The following FYTTD1 variants were observed in gnomAD, a reference collection of about 807,000 sequenced individuals.
FYTTD1 encodes the protein UAP56-interacting factor.
FYTTD1 carries 22 observed loss-of-function variants against 40.9 expected under a neutral mutation model. The ratio of observed to expected loss-of-function variants is 0.54; its 90% CI spans 0.38 to 0.77. The LOEUF is 0.77. Ranked by LOEUF, FYTTD1 falls within the 30% of genes least tolerant of loss-of-function variation. The pLI is 0.00. For missense variants in FYTTD1, 351 were observed against 392.2 expected (o/e 0.90, Z 0.89); for synonymous variants, 140 against 137.9 (o/e 1.01, Z -0.10).
rs955256634 is a variant in FYTTD1 at position 197,750,519 on chromosome 3, G to C, written c.103+445G>C. On this transcript the variant is annotated intron_variant, in intron 1 of 8. Coordinates refer to ENST00000241502, the MANE Select transcript of FYTTD1 (RefSeq NM_032288.7). ...GCCGTTCTCTCTGAAGAAAGGTCTT[G>C]GAGAGCCCGGCCGGGGCTGCGGTCG... 4.8e-5 allele frequency: 47 copies of C among 986,058 alleles called. No individual in the cohort carries two copies. The African/African-American group carries it at 8.0e-4, about 17-fold the overall frequency. The allele number at this position is 986,058 out of a possible 1,614,324, so 61.1% of individuals were successfully genotyped here.
At chr3:197,773,081 G>A (rs1729764597) in intron 4 of FYTTD1, among the ~76,000 whole-genome samples, 1 of 152,132 alleles carries the variant, frequency 6.6e-6, no homozygotes, top group Non-Finnish European at 1.5e-5. Context: ...AAATTGTAAA[G>A]TTATGTTTTC....
chr3:197,753,839 A>C lies in FYTTD1; in HGVS notation c.104-2587A>C, dbSNP rs1004620120. 1.4e-4 allele frequency among the ~76,000 whole-genome samples: 22 copies of C among 151,934 alleles called. No individual in the cohort carries two copies. In the East Asian group the frequency reaches 3.9e-3, roughly 27 times the overall value. On this transcript the variant is annotated intron_variant, in intron 1 of 8. Coordinates refer to ENST00000241502, the MANE Select transcript of FYTTD1 (RefSeq NM_032288.7). ...GGCACGATCTCGGCTTCCCAGGTTC[A>C]CAACATTCTCCTGCCTCAGCCTCCC...
intron 8 of FYTTD1, among the ~76,000 whole-genome samples, chr3:197,779,597 C>T (rs1195692115): frequency 1.6e-5 from 2 of 125,990 alleles, no homozygotes; most frequent in Admixed American, 2.0e-4. Flanking sequence ...GTGGCATAAT[C>T]ATAGCTCACT....
At chr3:197,779,168 A>C (rs1319767728) in intron 8 of FYTTD1, among the ~76,000 whole-genome samples, 3 of 152,144 alleles carry the variant, frequency 2.0e-5, no homozygotes, top group African/African-American at 7.2e-5. Flanking sequence ...TAATCCCAGC[A>C]CTTTGGGAGG....
chr3:197,765,900 G>A (rs1334274827), intron 2 of FYTTD1, among the ~76,000 whole-genome samples: 4 of 152,104 alleles, frequency 2.6e-5, no homozygotes, highest in African/African-American at 9.7e-5. Flanking sequence ...GGAGACTGAG[G>A]CAGGAGAATG....
At chr3:197,779,503 G>A (rs1580470797) in intron 8 of FYTTD1, among the ~76,000 whole-genome samples, 1 of 134,138 alleles carries the variant, frequency 7.5e-6, no homozygotes, top group Admixed American at 7.5e-5. Flanking sequence ...ACTTACTTTT[G>A]TATTGACTTT....
intron 1 of FYTTD1, among the ~76,000 whole-genome samples, chr3:197,755,017 G>A (rs1729169870): frequency 6.6e-6 from 1 of 152,118 alleles, no homozygotes; most frequent in Non-Finnish European, 1.5e-5. Context: ...ATATAAATGG[G>A]AATCTGGAGT....
chr3:197,765,232 C>T (rs1371507371), intron 2 of FYTTD1, among the ~76,000 whole-genome samples: 1 of 152,108 alleles, frequency 6.6e-6, no homozygotes, highest in African/African-American at 2.4e-5. Flanking sequence ...CTCATCTAGT[C>T]CTGAAATTTT....
In FYTTD1 at chr3:197,756,433, C is replaced by A. The variant is rs372634918; in HGVS notation, c.111C>A (p.Ile37=). 10 of 1,601,626 alleles carry A rather than the reference C, an allele frequency of 6.2e-6. No individual in the cohort carries two copies. Among genetic ancestry groups the A allele is most frequent in the Non-Finnish European group, 8.6e-6 (10 of 1,168,720 alleles). The change falls in exon 2 of 9, where the codon ATC becomes ATA. Residue 37 remains isoleucine (I), a synonymous_variant. Transcript: ENST00000241502. ...LDKIDMSLDD[I]IKLNRKEGKK... ...ACATTTCCTCTATCATAGATGATAT[C>A]ATCAAGTTGAATCGAAAGGAAGGGA...
chr3:197,777,154 T>C (rs1233837714), intron 7 of FYTTD1, among the ~76,000 whole-genome samples, 153 bp downstream of exon 7: 8 of 152,202 alleles, frequency 5.3e-5, no homozygotes, highest in Admixed American at 5.2e-4. Context: ...CAGTATATGG[T>C]GTAAAGTAAA....
chr3:197,752,429 A>G (rs1251362737), intron 1 of FYTTD1, among the ~76,000 whole-genome samples: 2 of 152,234 alleles, frequency 1.3e-5, no homozygotes, highest in African/African-American at 2.4e-5. Context: ...AGGACCTGGT[A>G]CACAGCACTG....
At chr3:197,766,460 T>TGTGTGTGTGTGTGTGTG (rs56732488) in intron 2 of FYTTD1, among the ~76,000 whole-genome samples, 41 of 150,830 alleles carry the variant, frequency 2.7e-4, no homozygotes, top group South Asian at 1.1e-3. Flanking sequence ...TGTGTGTGTG[T>TGTGTGTGTGTGTGTGTG]TTGAGACAGG....
chr3:197,767,396 C>G (rs1206551919), intron 2 of FYTTD1, among the ~76,000 whole-genome samples: 1 of 150,780 alleles, frequency 6.6e-6, no homozygotes, highest in Non-Finnish European at 1.5e-5. Context: ...CCTCGGCCTT[C>G]CAGAGTGCTG....
At chr3:197,751,176 C>T (rs1465883986) in intron 1 of FYTTD1, among the ~76,000 whole-genome samples, 3 of 152,136 alleles carry the variant, frequency 2.0e-5, no homozygotes, top group Non-Finnish European at 4.4e-5. Context: ...TCTTGTGTGT[C>T]TTTTGTTGTG....
chr3:197,776,346 A>G (rs1729873064), intron 6 of FYTTD1, among the ~76,000 whole-genome samples: 1 of 151,114 alleles, frequency 6.6e-6, no homozygotes. Context: ...CTGGGATTAC[A>G]AATACCCACC....
intron 1 of FYTTD1, chr3:197,750,793 G>A: frequency 2.0e-6 from 2 of 985,566 alleles, no homozygotes; most frequent in Middle Eastern, 5.2e-4. Context: ...TTGAAGGAGA[G>A]ATGATTGCTG....
intron 2 of FYTTD1, among the ~76,000 whole-genome samples, chr3:197,762,609 G>A (rs551227735): frequency 2.0e-5 from 3 of 150,684 alleles, no homozygotes; most frequent in Non-Finnish European, 3.0e-5. Context: ...AAGGCCGGGC[G>A]CGGTGGCTCA....
chr3:197,767,681 T>C (rs943206051), intron 2 of FYTTD1, among the ~76,000 whole-genome samples: 4 of 151,964 alleles, frequency 2.6e-5, no homozygotes, highest in African/African-American at 9.7e-5. Context: ...CTTAAACTCC[T>C]GAGCTCAAGG....
intron 2 of FYTTD1, among the ~76,000 whole-genome samples, chr3:197,765,551 A>G (rs1215124834): frequency 1.3e-5 from 2 of 152,104 alleles, no homozygotes; most frequent in African/African-American, 4.8e-5. Context: ...TAGGGCAGCA[A>G]TAATTTGATT....
Sources: allele counts gnomAD v4.1 joint callset (sites outside exome capture counted in the v4.1 genomes callset), GRCh38; gene constraint gnomAD v4.1.1; transcripts MANE v1.5; gene names NCBI Gene and HGNC (gene_info 2026-07-23, HGNC 2026-07-21).